The following NBEA variants were observed in gnomAD, a reference collection of about 807,000 sequenced individuals.
NBEA encodes lysosomal-trafficking regulator 2.
NBEA carries 44 observed loss-of-function variants against 343.4 expected under a neutral mutation model. The ratio of observed to expected loss-of-function variants is 0.13; its 90% CI spans 0.10 to 0.16. The LOEUF (loss-of-function observed/expected upper bound fraction) is 0.16, where lower values mean the gene tolerates loss of function less well. Ranked by LOEUF, NBEA falls within the 10% of genes least tolerant of loss-of-function variation. The pLI is 1.00. For synonymous variants in NBEA, 1,175 were observed against 1,238.7 expected (o/e 0.95, Z 1.08); for missense variants, 2,555 against 3,631.3 (o/e 0.70, Z 7.62).
rs71078081 is a variant in NBEA at position 35,113,586 on chromosome 13, CATCTATCTATCT to C, written c.2002+2641_2002+2652del. 2.6e-4 allele frequency among the ~76,000 whole-genome samples: 38 copies of C among 146,804 alleles called. No homozygotes were observed. In the Middle Eastern group the frequency reaches 0.018, roughly 68 times the overall value. On this transcript the variant is annotated intron_variant, in intron 13 of 58. Coordinates refer to ENST00000379939, the MANE Select transcript of NBEA (RefSeq NM_001385012.1). The stretch of plus-strand genomic sequence containing the variant: ...GAAGAACTTGTTTTACTCCTCCACT[CATCTATCTATCT>C]ATCTATCTATCTATCTATCTATCTA...
At chr13:35,024,631 G>T (rs894477847) in intron 1 of NBEA, among the ~76,000 whole-genome samples, 2 of 152,104 alleles carry the variant, frequency 1.3e-5, no homozygotes, top group African/African-American at 4.8e-5. Context: ...AGTGAGCTGA[G>T]ATTGTACCAC....
At chr13:35,150,507 C>T (rs1434870628) in intron 18 of NBEA, among the ~76,000 whole-genome samples, 1 of 151,958 alleles carries the variant, frequency 6.6e-6, no homozygotes, top group Non-Finnish European at 1.5e-5. Context: ...TTTTTGTTAA[C>T]ATAGTAAAGG....
chr13:35,112,191 A>G (rs1456905597), intron 13 of NBEA, among the ~76,000 whole-genome samples: 2 of 151,758 alleles, frequency 1.3e-5, no homozygotes, highest in Non-Finnish European at 2.9e-5. Context: ...TACTATTCTA[A>G]TATTTATATA....
intron 8 of NBEA, among the ~76,000 whole-genome samples, chr13:35,065,559 G>A (rs1229459794): frequency 1.3e-5 from 2 of 151,540 alleles, no homozygotes; most frequent in Non-Finnish European, 2.9e-5. Flanking sequence ...CCTTGCTTTG[G>A]TTTTCTTCTC....
chr13:35,154,679 A>G (rs1039026556), intron 18 of NBEA, among the ~76,000 whole-genome samples: 8 of 152,200 alleles, frequency 5.3e-5, no homozygotes, highest in African/African-American at 1.7e-4. Context: ...TCCTGCTCCC[A>G]CATTTTAGTG....
intron 41 of NBEA, among the ~76,000 whole-genome samples, chr13:35,483,759 A>G (rs1206466197): frequency 6.6e-6 from 1 of 152,120 alleles, no homozygotes; most frequent in Admixed American, 6.6e-5. Flanking sequence ...TTACAGGCCT[A>G]TTAAGAAAGA....
intron 11 of NBEA, among the ~76,000 whole-genome samples, chr13:35,099,097 C>G (rs1021793533): frequency 3.4e-5 from 5 of 148,086 alleles, no homozygotes; most frequent in Admixed American, 6.8e-5. Flanking sequence ...ATGATCTTGG[C>G]TCACTGCAAC....
At chr13:34,984,500 T>TCTCCCTCA (rs1344193640) in intron 1 of NBEA, among the ~76,000 whole-genome samples, 76 of 151,552 alleles carry the variant, frequency 5.0e-4, no homozygotes, top group South Asian at 1.0e-3. Context: ...TTTGTTCTTT[T>TCTCCCTCA]TGCTTAGCAT....
chr13:35,445,818 G>GTA (rs1207256152), intron 39 of NBEA, among the ~76,000 whole-genome samples: 60 of 68,642 alleles, frequency 8.7e-4, no homozygotes, highest in East Asian at 5.4e-3. Flanking sequence ...ATATATATAT[G>GTA]TATATATATA....
chr13:35,332,405 T>A (rs1429569685), intron 36 of NBEA, among the ~76,000 whole-genome samples: 1 of 152,040 alleles, frequency 6.6e-6, no homozygotes, highest in Non-Finnish European at 1.5e-5. Context: ...GGATATAGAA[T>A]AAATATGTTA....
intron 10 of NBEA, among the ~76,000 whole-genome samples, chr13:35,072,077 A>G (rs1240005316): frequency 6.6e-6 from 1 of 152,124 alleles, no homozygotes; most frequent in Admixed American, 6.6e-5. Flanking sequence ...TAGTGGAAAA[A>G]TCAAACTTTA....
rs201235740 is a variant in NBEA, at chr13:35,048,513, A to G, written c.724-50A>G. 9.8e-5 allele frequency: 152 copies of G among 1,547,004 alleles called. 1 individual carries two copies. The Admixed American group carries it at 1.1e-3, about 11-fold the overall frequency. ...AAAGCCATATTTGACCTTAGCTACT[A>G]TCACATTTCTTTAACTGATACTTTC... On this transcript the variant is annotated intron_variant, in intron 4 of 58. Coordinates refer to ENST00000379939, the MANE Select transcript of NBEA (RefSeq NM_001385012.1).
At chr13:35,118,194 G>T in intron 14 of NBEA, 34 bp from the exon 15 acceptor site, 4 of 1,283,812 alleles carry the variant, frequency 3.1e-6, no homozygotes, top group South Asian at 1.7e-5. Context: ...TTTAATTTTA[G>T]ATGTAAAGTA....
At chr13:35,258,722 C>G (rs1377562162) in intron 34 of NBEA, among the ~76,000 whole-genome samples, 3 of 152,096 alleles carry the variant, frequency 2.0e-5, no homozygotes, top group African/African-American at 7.2e-5. Flanking sequence ...GATGATGTAA[C>G]TTGTAAATCT....
intron 36 of NBEA, among the ~76,000 whole-genome samples, chr13:35,334,397 G>A (rs1054479069): frequency 1.3e-5 from 2 of 152,086 alleles, no homozygotes; most frequent in Non-Finnish European, 2.9e-5. Context: ...AGCCTCCTGA[G>A]TAGCTGACAT....
chr13:35,219,748 A>G (rs1292998881), intron 33 of NBEA, among the ~76,000 whole-genome samples: 1 of 152,110 alleles, frequency 6.6e-6, no homozygotes, highest in Admixed American at 6.6e-5. Flanking sequence ...ACTGAAGAAG[A>G]GCCGATGTTT....
At chr13:35,262,455 G>T (rs74048966) in intron 34 of NBEA, among the ~76,000 whole-genome samples, 6,439 of 152,154 alleles carry the variant, frequency 0.042, 158 homozygotes, top group South Asian at 0.078. Context: ...AACAAACCAT[G>T]ATTTAAACAC....
At chr13:35,006,979 G>T (rs1228591069) in intron 1 of NBEA, among the ~76,000 whole-genome samples, 1 of 152,160 alleles carries the variant, frequency 6.6e-6, no homozygotes, top group African/African-American at 2.4e-5. Flanking sequence ...TTCAGTTTTC[G>T]AACAATATGT....
chr13:35,436,808 G>A (rs1425427615), intron 39 of NBEA, among the ~76,000 whole-genome samples: 5 of 151,992 alleles, frequency 3.3e-5, no homozygotes. Flanking sequence ...GATCCACATG[G>A]TAGCAACAAA....
Sources: allele counts gnomAD v4.1 joint callset (sites outside exome capture counted in the v4.1 genomes callset), GRCh38; gene constraint gnomAD v4.1.1; transcripts MANE v1.5; gene names NCBI Gene and HGNC (gene_info 2026-07-23, HGNC 2026-07-21).